Variants in PHLDB2 observed in about 807,000 individuals in gnomAD.
PHLDB2 encodes pleckstrin homology-like domain family B member 2.
A neutral mutation model predicts 123.6 loss-of-function variants in PHLDB2; 71 were observed. The observed-to-expected ratio is 0.57, with a 90% CI of 0.47 to 0.70. PHLDB2 has a LOEUF of 0.70. PHLDB2 is among the 30% of genes least tolerant of loss of function. The pLI is 0.00. For missense variants in PHLDB2, 1,446 were observed against 1,519.5 expected, an observed-to-expected ratio of 0.95 and a Z score of 0.80; for synonymous variants, 547 against 541.6, an observed-to-expected ratio of 1.01 and a Z score of -0.14.
rs1401329666 is a variant in PHLDB2 at position 111,795,800 on chromosome 3, C to T, written c.-48-50021C>T. ...AGTGCAATGATGTGATCTAGGCTCA[C>T]TGCAACCTCCGCTTCCCGGGATCAA... On this transcript the variant is annotated intron_variant, in intron 1 of 17. Coordinates refer to the PHLDB2 transcript ENST00000393923. Among the ~76,000 whole-genome samples the T allele has an allele frequency of 2.6e-5, 4 of 152,190 alleles. No individual in the cohort carries two copies. In the East Asian group the frequency reaches 7.7e-4, roughly 29 times the overall value.
chr3:111,948,273 G>A lies in PHLDB2; in HGVS notation c.2488-659G>A, dbSNP rs928677986. Among the ~76,000 whole-genome samples, 5 of 152,112 alleles carry A rather than the reference G, an allele frequency of 3.3e-5. No homozygotes were observed. In the East Asian group the frequency reaches 9.6e-4, roughly 29 times the overall value. The stretch of plus-strand genomic sequence containing the variant: ...TGTGTGTGTGTGTGTGTGCATGTGT[G>A]TCTGTGTGTTTGTGCATGCACACAT... On this transcript the variant is annotated intron_variant, in intron 9 of 17. Transcript: ENST00000431670.
At chr3:111,924,037 G>A (rs1035291630) in intron 5 of PHLDB2, among the ~76,000 whole-genome samples, 1 of 152,088 alleles carries the variant, frequency 6.6e-6, no homozygotes. Context: ...CACTCTCAGA[G>A]TCACCTTCCT....
intron 1 of PHLDB2, among the ~76,000 whole-genome samples, chr3:111,876,674 A>G (rs995362597): frequency 6.6e-6 from 1 of 152,014 alleles, no homozygotes; most frequent in African/African-American, 2.4e-5. Flanking sequence ...GCACCCATCA[A>G]CCTGTCATCT....
At chr3:111,938,484 T>C (rs911691123) in intron 6 of PHLDB2, among the ~76,000 whole-genome samples, 3 of 152,088 alleles carry the variant, frequency 2.0e-5, no homozygotes, top group Non-Finnish European at 4.4e-5. Flanking sequence ...TATAAATATA[T>C]ATAGTGTGCA....
intron 9 of PHLDB2, among the ~76,000 whole-genome samples, chr3:111,948,183 TG>T (rs2070442947): frequency 1.3e-5 from 2 of 152,104 alleles, no homozygotes; most frequent in African/African-American, 4.8e-5. Context: ...TGGGTAGAGA[TG>T]GGGGTTAGGG....
intron 5 of PHLDB2, among the ~76,000 whole-genome samples, chr3:111,921,312 A>G (rs1457683858): frequency 1.3e-5 from 2 of 152,208 alleles, no homozygotes; most frequent in Non-Finnish European, 2.9e-5. Context: ...TCCTTACTCA[A>G]CATGTTCTCC....
At chr3:111,963,212 G>C (rs1577208991) in intron 13 of PHLDB2, among the ~76,000 whole-genome samples, 1 of 152,176 alleles carries the variant, frequency 6.6e-6, no homozygotes, top group East Asian at 1.9e-4. Flanking sequence ...GGCACTCTAG[G>C]TCCAGCCCAA....
In PHLDB2 at chr3:111,953,926, G is replaced by A. The variant is rs528018501; in HGVS notation, c.2773-4G>A. On this transcript the variant is annotated splice_region_variant and splice_polypyrimidine_tract_variant and intron_variant, in intron 11 of 17. Transcript: ENST00000431670. ...CCTGAAGTACTCCCTCCTGCTTCCC[G>A]CAGGCCCATCTGCCCCTAGGACAGA... is the stretch of plus-strand genomic sequence containing the variant. 16 of 1,612,592 alleles carry A rather than the reference G, an allele frequency of 9.9e-6. No homozygotes were observed. The highest frequency in any genetic ancestry group is 9.3e-5 in the African/African-American group (7 of 74,968).
Position 111,781,375 on chromosome 3 carries a change from T to C in PHLDB2, c.-49+48672T>C, listed in dbSNP as rs142943233. Among the ~76,000 whole-genome samples the C allele has an allele frequency of 7.5e-3, 1,134 of 152,140 alleles. 16 individuals carry two copies. The highest frequency in any genetic ancestry group is 0.026 in the African/African-American group (1,061 of 41,522). ...TCCACATGTCTCCCATCCTTCTTTA[T>C]CCCTCTCCCTTTTCCCCAAATCCTG... On this transcript the variant is annotated intron_variant, in intron 1 of 17. Coordinates refer to the PHLDB2 transcript ENST00000393923.
At chr3:111,784,534 AC>A (rs1156585009) in intron 1 of PHLDB2, among the ~76,000 whole-genome samples, 7 of 152,098 alleles carry the variant, frequency 4.6e-5, no homozygotes, top group Non-Finnish European at 7.4e-5. Flanking sequence ...TCTCTCATAA[AC>A]CGTGCTGATA....
chr3:111,812,441 T>C (rs2061883102), intron 1 of PHLDB2, among the ~76,000 whole-genome samples: 1 of 152,124 alleles, frequency 6.6e-6, no homozygotes. Flanking sequence ...GAAACATAAG[T>C]TTATGTGATG....
chr3:111,788,563 T>C (rs2060786784), intron 1 of PHLDB2, among the ~76,000 whole-genome samples: 1 of 152,228 alleles, frequency 6.6e-6, no homozygotes, highest in Non-Finnish European at 1.5e-5. Flanking sequence ...CTACCTTTTA[T>C]TCTTTCTCTC....
intron 8 of PHLDB2, among the ~76,000 whole-genome samples, chr3:111,944,865 A>C (rs767394367): frequency 3.3e-5 from 5 of 152,062 alleles, no homozygotes; most frequent in Admixed American, 6.6e-5. Flanking sequence ...AGTAGAGACA[A>C]GGTTTCACCA....
intron 1 of PHLDB2, among the ~76,000 whole-genome samples, chr3:111,837,811 G>C (rs1049397611): frequency 3.9e-4 from 59 of 152,318 alleles, no homozygotes; most frequent in African/African-American, 1.3e-3. Context: ...GGAAGGCCAA[G>C]GCAGGAGGAT....
chr3:111,781,332 G>C (rs899619424), intron 1 of PHLDB2, among the ~76,000 whole-genome samples: 1 of 142,846 alleles, frequency 7.0e-6, no homozygotes, highest in Non-Finnish European at 1.6e-5. Flanking sequence ...CTTGAGAAAA[G>C]TTTTCCCTCA....
chr3:111,753,536 A>T (rs2059823924), intron 1 of PHLDB2, among the ~76,000 whole-genome samples: 1 of 150,776 alleles, frequency 6.6e-6, no homozygotes, highest in Admixed American at 6.6e-5. Context: ...TTCATTGTAG[A>T]TTCTGGATAT....
intron 13 of PHLDB2, among the ~76,000 whole-genome samples, chr3:111,964,940 A>T (rs1456404158): frequency 2.0e-5 from 3 of 152,178 alleles, no homozygotes; most frequent in African/African-American, 4.8e-5. Flanking sequence ...TTAATGAGAG[A>T]TATAAAACAT....
At chr3:111,883,760 C>A (rs563471878) in intron 1 of PHLDB2, among the ~76,000 whole-genome samples, 2 of 152,342 alleles carry the variant, frequency 1.3e-5, no homozygotes, top group South Asian at 4.1e-4. Context: ...ACATTAAGGA[C>A]AAATTGTCTT....
At position 111,975,246 on chromosome 3, in the gene PHLDB2, G is replaced by GTA. The variant is rs1553757034; in HGVS notation, c.*693_*694dup. On this transcript the variant is annotated 3_prime_UTR_variant, in exon 18 of 18. Coordinates refer to ENST00000431670, the MANE Select transcript of PHLDB2 (RefSeq NM_001134438.2). ...ACCACTGGTGTAAGCTACTATATATGTATATATATATGTAGTAAACCACTT... is the reference window on the plus strand; with the variant it reads ...ACCACTGGTGTAAGCTACTATATATGTATATATATATATGTAGTAAACCACTT... The GTA allele has an allele frequency of 0.13, 19,692 of 151,554 alleles. 1,501 individuals are homozygous for GTA. The highest frequency in any genetic ancestry group is 0.2 in the African/African-American group (8,079 of 41,150). The allele number at this position is 151,554 out of a possible 1,614,324, so 9.4% of individuals were successfully genotyped here. A position where few individuals can be genotyped will look rare whatever the true frequency, so the allele number is the denominator to read the frequency against.
Sources: allele counts gnomAD v4.1 joint callset (sites outside exome capture counted in the v4.1 genomes callset), GRCh38; gene constraint gnomAD v4.1.1; transcripts MANE v1.5; gene names NCBI Gene and HGNC (gene_info 2026-07-23, HGNC 2026-07-21).